Variants in KMT2C observed in about 807,000 individuals in gnomAD.
The protein encoded by KMT2C is histone-lysine N-methyltransferase 2C.
KMT2C carries 88 observed loss-of-function variants against 507.9 expected under a neutral mutation model. The ratio of observed to expected loss-of-function variants is 0.17; its 90% CI spans 0.15 to 0.21. KMT2C has a LOEUF of 0.21. KMT2C is among the 10% of genes least tolerant of loss of function. The probability of loss-of-function intolerance (pLI) is 1.00; values close to 1 mark genes in which losing one functional copy is unlikely to be tolerated. For missense variants in KMT2C, 4,954 were observed against 5,957.8 expected (o/e 0.83, Z 5.55); for synonymous variants, 2,049 against 2,080.8 (o/e 0.98, Z 0.42).
Position 152,433,066 on chromosome 7 carries a change from TG to T in KMT2C, c.161+2559del, listed in dbSNP as rs1186143786. Among the ~76,000 whole-genome samples, 8 of 151,802 alleles carry T rather than the reference TG, an allele frequency of 5.3e-5. No homozygotes were observed. The East Asian group carries it at 1.6e-3, about 29-fold the overall frequency. On this transcript the variant is annotated intron_variant, in intron 1 of 58. Coordinates refer to ENST00000262189, the MANE Select transcript of KMT2C (RefSeq NM_170606.3). ...TGGAGGCTGAGGAAGGAGAATCGCT[TG>T]AATACACGAGGCAGAGGTTGCGGTG...
intron 1 of KMT2C, among the ~76,000 whole-genome samples, chr7:152,426,228 T>C (rs1474349133): frequency 2.7e-5 from 4 of 147,150 alleles, no homozygotes; most frequent in Admixed American, 6.8e-5. Flanking sequence ...TTTTATGTCA[T>C]AGTTTTTTTT....
chr7:152,183,722 C>T (rs1399310287), intron 34 of KMT2C, among the ~76,000 whole-genome samples: 1 of 152,090 alleles, frequency 6.6e-6, no homozygotes, highest in Non-Finnish European at 1.5e-5. Flanking sequence ...CATGGAGACA[C>T]CCCATCTCTA....
chr7:152,334,389 T>C (rs533061094), intron 2 of KMT2C, among the ~76,000 whole-genome samples: 33 of 151,770 alleles, frequency 2.2e-4, no homozygotes, highest in African/African-American at 7.7e-4. Flanking sequence ...GAGGCGGAGG[T>C]TGCGGTGAGC....
intron 20 of KMT2C, among the ~76,000 whole-genome samples, chr7:152,223,453 T>C (rs2094835648): frequency 1.3e-5 from 2 of 152,106 alleles, no homozygotes; most frequent in Non-Finnish European, 2.9e-5. Context: ...TAATTCTCCA[T>C]CTAATTTCAA....
At position 152,182,339 on chromosome 7, in the gene KMT2C, T is replaced by C. The variant is rs779419987; in HGVS notation, c.5521A>G (p.Thr1841Ala). The change falls in exon 36 of 59, where the codon ACA becomes GCA. Residue 1841 changes from threonine (T) to alanine (A), a missense_variant. This residue lies in a region of KMT2C where 1,689 missense variants were observed against 1,654.3 expected (regional missense o/e 1.02). Coordinates refer to ENST00000262189, the MANE Select transcript of KMT2C (RefSeq NM_170606.3). ...TKQPPSTPTS[T>A]SSDDVFVKPQ... ...TTTACAAACACATCATCTGAAGATGTAGACGTAGGGGTACTGGGTGGCTGT... is the reference window on the plus strand; with the variant it reads ...TTTACAAACACATCATCTGAAGATGCAGACGTAGGGGTACTGGGTGGCTGT... 35 of 1,613,864 alleles carry C rather than the reference T, an allele frequency of 2.2e-5. No individual in the cohort carries two copies. Among genetic ancestry groups the C allele is most frequent in the Non-Finnish European group, 2.5e-5 (29 of 1,179,988 alleles).
chr7:152,156,045 A>G lies in KMT2C; in HGVS notation c.11825T>C (p.Leu3942Pro). 1 of 1,600,474 alleles carries G rather than the reference A, an allele frequency of 6.2e-7. No individual in the cohort carries two copies. ...GGGCAGCTGAAATGGTTTAGGTCCT[A>G]GAGTTTTGGTAACTGGAAAAGCAAA... ...VLVSHEVTKTLGPKPFQLPFR... is the reference protein window; with the variant it reads ...VLVSHEVTKTPGPKPFQLPFR... The change falls in exon 46 of 59, where the codon CTA becomes CCA. Residue 3942 changes from leucine (L) to proline (P), a missense_variant. By Grantham distance (98) the Leu-to-Pro change is moderately conservative. Coordinates refer to ENST00000262189, the MANE Select transcript of KMT2C (RefSeq NM_170606.3).
chr7:152,135,938 T>G lies in KMT2C; in HGVS notation c.*894A>C. 1 of 229,692 alleles carries G rather than the reference T, an allele frequency of 4.4e-6. No individual in the cohort carries two copies. Among genetic ancestry groups the G allele is most frequent in the East Asian group, 6.3e-5 (1 of 15,938 alleles). 14.2% of individuals were successfully genotyped at this position (229,692 alleles called of 1,614,324 possible). A position where few individuals can be genotyped will look rare whatever the true frequency, so the allele number is the denominator to read the frequency against. On this transcript the variant is annotated 3_prime_UTR_variant, in exon 59 of 59. Transcript: ENST00000262189. ...TGGTTATTACATAATTATAATGGCA[T>G]ATTTTATAACACAAAATTATATTGT...
At position 152,194,558 on chromosome 7, in the gene KMT2C, A is replaced by G. The variant is rs753575812; in HGVS notation, c.4389T>C (p.Pro1463=). The G allele has an allele frequency of 3.1e-6, 5 of 1,612,506 alleles. No individual in the cohort carries two copies. The African/African-American group carries it at 5.3e-5, about 17-fold the overall frequency. The change falls in exon 29 of 59, where the codon CCT becomes CCC. Residue 1463 remains proline, a synonymous_variant. Transcript: ENST00000262189. The stretch of plus-strand genomic sequence containing the variant: ...GCAAAGAGGAAGGATCATCAGTGAC[A>G]GGACCAATATCTACAAGAGTAAGGA... The part of the protein sequence containing the change: ...AKSVDHSDIG[P]VTDDPSSLPQ...
intron 9 of KMT2C, among the ~76,000 whole-genome samples, chr7:152,256,919 C>A (rs1353749153): frequency 6.6e-6 from 1 of 152,048 alleles, no homozygotes; most frequent in Admixed American, 6.6e-5. Context: ...ATGCAAAGTA[C>A]CATAAGCCCC....
rs144967886 is a variant in KMT2C at position 152,205,863 on chromosome 7, G to A, written c.3842-638C>T. Reference sequence around the variant, plus strand: ...ATGGATGACTGTCTGTATATTAACCGGCTAACTGGTACATTAGCTGGAGGA... The same window carrying A: ...ATGGATGACTGTCTGTATATTAACCAGCTAACTGGTACATTAGCTGGAGGA... On this transcript the variant is annotated intron_variant, in intron 24 of 58. Coordinates refer to ENST00000262189, the MANE Select transcript of KMT2C (RefSeq NM_170606.3). Among the ~76,000 whole-genome samples the A allele has an allele frequency of 1.8e-4, 27 of 152,114 alleles. No individual in the cohort carries two copies. In the East Asian group the frequency reaches 3.7e-3, roughly 21 times the overall value.
intron 2 of KMT2C, among the ~76,000 whole-genome samples, chr7:152,334,940 A>AC (rs561521757): frequency 7.9e-5 from 12 of 152,326 alleles, no homozygotes; most frequent in African/African-American, 2.6e-4. Flanking sequence ...CCTAATTAAC[A>AC]CAGAAAACTG....
chr7:152,359,288 GA>G (rs35157323), intron 1 of KMT2C, among the ~76,000 whole-genome samples: 2,952 of 81,156 alleles, frequency 0.036, 75 homozygotes, highest in African/African-American at 0.1. Context: ...GAAAGCAATT[GA>G]AAAAAAAAAA....
chr7:152,227,247 G>A (rs4024391), intron 18 of KMT2C, among the ~76,000 whole-genome samples: 3 of 152,116 alleles, frequency 2.0e-5, no homozygotes, highest in African/African-American at 7.2e-5. Context: ...TTTAACCTAG[G>A]TACTGGGGTT....
chr7:152,308,769 A>C (rs2096643452), intron 6 of KMT2C, among the ~76,000 whole-genome samples: 1 of 151,444 alleles, frequency 6.6e-6, no homozygotes, highest in African/African-American at 2.4e-5. Flanking sequence ...AGAAGAGAGG[A>C]TCCCTTGGGT....
rs1310069023 is a variant in KMT2C, at chr7:152,273,817, C to G, written c.900G>C (p.Glu300Asp). Residue 300 changes from glutamate to aspartate, a missense_variant, in exon 7 of 59, where the codon GAG (glutamate) becomes GAC (aspartate). Glu to Asp is a conservative substitution (Grantham distance 45). Around this residue, in one of 29 missense-constraint regions of KMT2C, gnomAD observed 24 missense variants for 82.7 expected, o/e 0.29. Coordinates refer to ENST00000262189, the MANE Select transcript of KMT2C (RefSeq NM_170606.3). ...GATAATGATACATCTGGGTACATTTCTCTTCACAGCATTTGATAGTGGCTC... is the reference window on the plus strand; with the variant it reads ...GATAATGATACATCTGGGTACATTTGTCTTCACAGCATTTGATAGTGGCTC... Reference protein sequence around the residue: ...HLGATIKCCEEKCTQMYHYPC... With the variant: ...HLGATIKCCEDKCTQMYHYPC... The G allele has an allele frequency of 1.2e-6, 2 of 1,613,946 alleles. No individual in the cohort carries two copies. The highest frequency in any genetic ancestry group is 4.5e-5 in the East Asian group (2 of 44,888).
chr7:152,412,026 A>C (rs1456287340), intron 1 of KMT2C, among the ~76,000 whole-genome samples: 1 of 152,288 alleles, frequency 6.6e-6, no homozygotes, highest in Non-Finnish European at 1.5e-5. Flanking sequence ...AGGATGTCCT[A>C]CTTGGGCCTC....
chr7:152,345,678 G>A (rs1441581177), intron 2 of KMT2C, among the ~76,000 whole-genome samples: 2 of 152,012 alleles, frequency 1.3e-5, no homozygotes, highest in Admixed American at 6.6e-5. Context: ...CCGCCACCAT[G>A]CTCGGTTAAT....
intron 23 of KMT2C, among the ~76,000 whole-genome samples, chr7:152,210,756 G>A (rs1445080813): frequency 2.6e-5 from 4 of 152,078 alleles, no homozygotes; most frequent in East Asian, 3.9e-4. Context: ...AAAATCCTCT[G>A]AGGGATAATA....
chr7:152,381,666 T>A (rs113510360), intron 1 of KMT2C, among the ~76,000 whole-genome samples: 191 of 142,792 alleles, frequency 1.3e-3, no homozygotes, highest in East Asian at 0.01. Flanking sequence ...CCATGAATCC[T>A]GAGATTTCAC....
Sources: allele counts gnomAD v4.1 joint callset (sites outside exome capture counted in the v4.1 genomes callset), GRCh38; gene constraint gnomAD v4.1.1; regional missense constraint gnomAD v4.1.1; transcripts MANE v1.5; gene names NCBI Gene and HGNC (gene_info 2026-07-23, HGNC 2026-07-21).